PCGF6: variants seen among roughly 807,000 people sequenced by gnomAD.
The protein encoded by PCGF6 is polycomb group ring finger 6.
PCGF6 carries 24 observed loss-of-function variants against 45.5 expected under a neutral mutation model. The ratio of observed to expected loss-of-function variants is 0.53; its 90% CI spans 0.38 to 0.74. The LOEUF (loss-of-function observed/expected upper bound fraction) is 0.74, where lower values mean the gene tolerates loss of function less well. PCGF6 is among the 30% of genes least tolerant of loss of function. The pLI, the probability that PCGF6 is intolerant of heterozygous loss-of-function variation, is 0.00. For missense variants in PCGF6, 356 were observed against 443.2 expected, an observed-to-expected ratio of 0.80 and a Z score of 1.77; for synonymous variants, 152 against 162.1, an observed-to-expected ratio of 0.94 and a Z score of 0.47.
Position 103,349,495 on chromosome 10 carries a change from T to TC in PCGF6, c.361-497_361-496insG, listed in dbSNP as rs2093312746. ...TTTCTTTCCGTTTTTTTTTTTTTTTTTTTGAGAGGGAGTCTGCCTCTGTCG... is the reference window on the plus strand; with the variant it reads ...TTTCTTTCCGTTTTTTTTTTTTTTTTCTTTGAGAGGGAGTCTGCCTCTGTCG... On this transcript the variant is annotated intron_variant, in intron 1 of 9. Transcript: ENST00000369847. Among the ~76,000 whole-genome samples the TC allele has an allele frequency of 3.3e-5, 4 of 122,972 alleles. 1 individual carries two copies. The South Asian group carries it at 1.1e-3, about 33-fold the overall frequency. 80.7% of individuals were successfully genotyped at this position (122,972 alleles called of 152,430 possible).
At chr10:103,306,179 T>G (rs540331594) in intron 9 of PCGF6, among the ~76,000 whole-genome samples, 2 of 151,222 alleles carry the variant, frequency 1.3e-5, no homozygotes, top group South Asian at 4.2e-4. Flanking sequence ...CTCACTGCAA[T>G]CTCCGCCTCC....
In PCGF6 at chr10:103,344,879, T is replaced by C. The variant is rs555918658; in HGVS notation, c.782+145A>G. 1.0e-5 allele frequency: 6 copies of C among 594,596 alleles called. No homozygotes were observed. In the South Asian group the frequency reaches 1.2e-4, roughly 12 times the overall value. 36.8% of individuals were successfully genotyped at this position (594,596 alleles called of 1,614,324 possible). ...GCCACTGCACCCGGCCCTTTATACC[T>C]TTTTCTAATTATTTCTAATATTCAG... On this transcript the variant is annotated intron_variant, in intron 6 of 9. Transcript: ENST00000369847.
At chr10:103,333,593 G>A (rs1325463784) in intron 7 of PCGF6, among the ~76,000 whole-genome samples, 1 of 152,016 alleles carries the variant, frequency 6.6e-6, no homozygotes, top group Non-Finnish European at 1.5e-5. Context: ...AAAATAACTT[G>A]AGCAAAAAAT....
chr10:103,344,246 A>G (rs1371167363), intron 6 of PCGF6, among the ~76,000 whole-genome samples: 1 of 151,742 alleles, frequency 6.6e-6, no homozygotes, highest in East Asian at 1.9e-4. Flanking sequence ...AACCACATGA[A>G]AAAAAAAGGC....
intron 9 of PCGF6, among the ~76,000 whole-genome samples, chr10:103,305,038 C>A (rs1242069995): frequency 1.3e-5 from 2 of 152,130 alleles, no homozygotes; most frequent in African/African-American, 2.4e-5. Context: ...TCATAGCTCA[C>A]TGTAGCCTCA....
At chr10:103,323,593 C>A (rs1259784923) in intron 8 of PCGF6, among the ~76,000 whole-genome samples, 1 of 151,128 alleles carries the variant, frequency 6.6e-6, no homozygotes, top group Non-Finnish European at 1.5e-5. Context: ...CCGCGTCCGG[C>A]CCCTTTTCTT....
rs779304541 is a variant in PCGF6, at chr10:103,339,811, ACACACACACACAC to A, written c.782+5200_782+5212del. Among the ~76,000 whole-genome samples the A allele has an allele frequency of 1.5e-3, 69 of 45,018 alleles. 1 individual carries two copies. The highest frequency in any genetic ancestry group is 2.1e-3 in the East Asian group (4 of 1,930). 29.5% of individuals were successfully genotyped at this position (45,018 alleles called of 152,430 possible). On this transcript the variant is annotated intron_variant, in intron 6 of 9. Coordinates refer to ENST00000369847, the MANE Select transcript of PCGF6 (RefSeq NM_001011663.2). Reference sequence around the variant, plus strand: ...AAATTCTGTCTGTCTCAAAAAAAAAACACACACACACACACACACACACACACACACACACACA... The same window carrying A: ...AAATTCTGTCTGTCTCAAAAAAAAAAACACACACACACACACACACACACA...
intron 8 of PCGF6, among the ~76,000 whole-genome samples, chr10:103,320,661 T>C (rs762250347): frequency 2.6e-5 from 4 of 151,968 alleles, no homozygotes; most frequent in Non-Finnish European, 4.4e-5. Flanking sequence ...TTGCACTCCA[T>C]CCTGGGCAAA....
At chr10:103,320,213 C>T (rs1334098126) in intron 8 of PCGF6, among the ~76,000 whole-genome samples, 2 of 151,994 alleles carry the variant, frequency 1.3e-5, no homozygotes, top group Non-Finnish European at 2.9e-5. Context: ...TTCTAAATTT[C>T]ATCTCATAAA....
intron 6 of PCGF6, among the ~76,000 whole-genome samples, chr10:103,341,308 G>A (rs1402389996): frequency 1.3e-5 from 2 of 151,400 alleles, no homozygotes; most frequent in Non-Finnish European, 2.9e-5. Context: ...CCAGGCTGGA[G>A]TGCAATGGCA....
intron 2 of PCGF6, 36 bp downstream of exon 2, chr10:103,348,864 T>C: frequency 6.2e-7 from 1 of 1,603,420 alleles, no homozygotes; most frequent in South Asian, 1.1e-5. Flanking sequence ...TTTCAAAAAC[T>C]GAAAAATTAT....
At position 103,350,903 on chromosome 10, in the gene PCGF6, C is replaced by G; in HGVS notation, c.164G>C (p.Gly55Ala). ...CTCAGGGGGCCGGGAGCCGGAGCAGCCGGGAGCCCCCGTCTCAGACAGAGG... is the reference window on the plus strand; with the variant it reads ...CTCAGGGGGCCGGGAGCCGGAGCAGGCGGGAGCCCCCGTCTCAGACAGAGG... ...PAPLSETGAP[G>A]CSGSRPPELE... The change falls in exon 1 of 10, where the codon GGC (glycine) becomes GCC (alanine). Residue 55 changes from glycine (G) to alanine (A), a missense_variant. Physicochemically the swap from Gly to Ala is moderately conservative, Grantham distance 60. Transcript: ENST00000369847. The G allele has an allele frequency of 6.6e-7, 1 of 1,524,618 alleles. No homozygotes were observed. Among genetic ancestry groups the G allele is most frequent in the Non-Finnish European group, 8.8e-7 (1 of 1,139,742 alleles). The allele number at this position is 1,524,618 out of a possible 1,614,324, so 94.4% of individuals were successfully genotyped here. A position where few individuals can be genotyped will look rare whatever the true frequency, so the allele number is the denominator to read the frequency against.
intron 6 of PCGF6, among the ~76,000 whole-genome samples, chr10:103,343,247 G>T (rs1041698174): frequency 6.6e-6 from 1 of 151,624 alleles, no homozygotes; most frequent in Non-Finnish European, 1.5e-5. Context: ...CTTAATAACA[G>T]TTGAGAGCAC....
intron 8 of PCGF6, among the ~76,000 whole-genome samples, chr10:103,322,721 G>A (rs1230150110): frequency 1.3e-5 from 2 of 151,916 alleles, no homozygotes; most frequent in African/African-American, 2.4e-5. Context: ...CTACCTGGGA[G>A]GCTGAGGCAG....
Position 103,322,900 on chromosome 10 carries a change from A to C in PCGF6, c.909+3634T>G, listed in dbSNP as rs375512667. 6.2e-3 allele frequency among the ~76,000 whole-genome samples: 947 copies of C among 151,662 alleles called. 6 individuals are homozygous for C. The highest frequency in any genetic ancestry group is 0.021 in the African/African-American group (871 of 41,238). Reference sequence around the variant, plus strand: ...CACCAAAAAAAAAACAAAAAACAAAAAACAAAAAAAAAAACAACCCACAAA... The same window carrying C: ...CACCAAAAAAAAAACAAAAAACAAACAACAAAAAAAAAAACAACCCACAAA... On this transcript the variant is annotated intron_variant, in intron 8 of 9. Transcript: ENST00000369847.
At chr10:103,329,025 G>C (rs1346356356) in intron 7 of PCGF6, among the ~76,000 whole-genome samples, 1 of 151,258 alleles carries the variant, frequency 6.6e-6, no homozygotes, top group Non-Finnish European at 1.5e-5. Context: ...GATTACAGGC[G>C]TGAGCCACTG....
At chr10:103,349,487 T>TTTG (rs2093312706) in intron 1 of PCGF6, among the ~76,000 whole-genome samples, 2 of 120,446 alleles carry the variant, frequency 1.7e-5, no homozygotes, top group Non-Finnish European at 3.6e-5. Context: ...CCGTTTTTTT[T>TTTG]TTTTTTTTTT....
intron 6 of PCGF6, among the ~76,000 whole-genome samples, chr10:103,335,920 T>C (rs2093255282): frequency 6.7e-6 from 1 of 150,304 alleles, no homozygotes; most frequent in African/African-American, 2.5e-5. Flanking sequence ...TGAGCTGAGA[T>C]CGTGTCACTA....
chr10:103,317,396 C>T (rs1479278333), intron 8 of PCGF6, among the ~76,000 whole-genome samples: 3 of 152,150 alleles, frequency 2.0e-5, no homozygotes, highest in African/African-American at 7.2e-5. Flanking sequence ...GGTATTATTA[C>T]TATATTTTCA....
Sources: allele counts gnomAD v4.1 joint callset (sites outside exome capture counted in the v4.1 genomes callset), GRCh38; gene constraint gnomAD v4.1.1; transcripts MANE v1.5; gene names NCBI Gene and HGNC (gene_info 2026-07-23, HGNC 2026-07-21).